Variants in DDHD1 observed in about 807,000 individuals in gnomAD.
The protein encoded by DDHD1 is phospholipase DDHD1.
Under a neutral mutation model 96.4 loss-of-function variants are expected in DDHD1, and 49 were observed. The ratio of observed to expected loss-of-function variants is 0.51; its 90% CI spans 0.40 to 0.64. DDHD1 has a LOEUF of 0.64. DDHD1 is among the 30% of genes least tolerant of loss of function. The pLI is 0.00. For synonymous variants in DDHD1, 442 were observed against 446.5 expected (o/e 0.99, Z 0.13); for missense variants, 1,106 against 1,161.2 (o/e 0.95, Z 0.69).
Position 53,103,685 on chromosome 14 carries a change from T to A in DDHD1, c.1010A>T (p.Asp337Val), listed in dbSNP as rs139853377. 1 of 1,608,578 alleles carries A rather than the reference T, an allele frequency of 6.2e-7. No individual in the cohort carries two copies. The highest frequency in any genetic ancestry group is 8.5e-7 in the Non-Finnish European group (1 of 1,178,106). The change falls in exon 2 of 13, where the codon GAT becomes GTT. Residue 337 changes from aspartate to valine, a missense_variant and splice_region_variant. Physicochemically the swap from Asp to Val is radical, Grantham distance 152. Transcript: ENST00000673822. ...TTAAATGTATCAATTGATCTTACCA[T>A]CTTTTCCATCTATGGATTTTGACAC... ...IEVSKSIDGKDAVHSFKLSRN... is the reference protein window; with the variant it reads ...IEVSKSIDGKVAVHSFKLSRN...
At chr14:53,080,598 T>C (rs1885377000) in intron 4 of DDHD1, among the ~76,000 whole-genome samples, 1 of 152,098 alleles carries the variant, frequency 6.6e-6, no homozygotes. Flanking sequence ...ATATTTTTCC[T>C]TATTTCTCGT....
intron 1 of DDHD1, among the ~76,000 whole-genome samples, chr14:53,146,931 G>GTTTTTTT (rs1157662966): frequency 6.9e-6 from 1 of 144,970 alleles, no homozygotes; most frequent in Non-Finnish European, 1.5e-5. Context: ...AATGCTGACA[G>GTTTTTTT]TTTTTTTTTT....
chr14:53,123,813 A>G (rs778981749), intron 1 of DDHD1, among the ~76,000 whole-genome samples: 3 of 152,248 alleles, frequency 2.0e-5, no homozygotes, highest in Non-Finnish European at 4.4e-5. Flanking sequence ...TTGTATCTGT[A>G]AAGTTTAATT....
chr14:53,050,652 ATT>A (rs900458025), intron 12 of DDHD1, among the ~76,000 whole-genome samples: 2 of 152,124 alleles, frequency 1.3e-5, no homozygotes, highest in Non-Finnish European at 2.9e-5. Flanking sequence ...CAGTATTGAA[ATT>A]TGTTTCATCT....
chr14:53,086,944 G>A (rs1886014983), intron 4 of DDHD1, among the ~76,000 whole-genome samples: 1 of 137,452 alleles, frequency 7.3e-6, no homozygotes, highest in Non-Finnish European at 1.6e-5. Flanking sequence ...TAAAGGGGTG[G>A]AGGAAGCTCA....
chr14:53,129,243 C>T (rs141657822), intron 1 of DDHD1, among the ~76,000 whole-genome samples: 82 of 152,202 alleles, frequency 5.4e-4, no homozygotes, highest in African/African-American at 1.8e-3. Context: ...GCCCTCACTC[C>T]GTGAGGAGAT....
At position 53,051,798 on chromosome 14, in the gene DDHD1, A is replaced by G. The variant is rs1280815293; in HGVS notation, c.2521+46T>C. 4.1e-6 allele frequency: 6 copies of G among 1,466,038 alleles called. No individual in the cohort carries two copies. In the Admixed American group the frequency reaches 1.0e-4, roughly 24 times the overall value. The allele number at this position is 1,466,038 out of a possible 1,614,324, so 90.8% of individuals were successfully genotyped here. A position where few individuals can be genotyped will look rare whatever the true frequency, so the allele number is the denominator to read the frequency against. ...CAATAAGCAGAAGAACTCTAAGTAGATCATTTTTATAGTATTCTGAATGCT... is the reference window on the plus strand; with the variant it reads ...CAATAAGCAGAAGAACTCTAAGTAGGTCATTTTTATAGTATTCTGAATGCT... On this transcript the variant is annotated intron_variant, in intron 12 of 12. Transcript: ENST00000673822.
intron 1 of DDHD1, among the ~76,000 whole-genome samples, chr14:53,122,350 C>T (rs1022628025): frequency 1.3e-5 from 2 of 152,162 alleles, no homozygotes; most frequent in Admixed American, 6.5e-5. Flanking sequence ...CAGCTAGGCA[C>T]CTCCCTGGGG....
At chr14:53,128,733 A>G (rs1160830164) in intron 1 of DDHD1, among the ~76,000 whole-genome samples, 1 of 152,214 alleles carries the variant, frequency 6.6e-6, no homozygotes, top group Non-Finnish European at 1.5e-5. Context: ...CCTACAGCCC[A>G]TAACTGCATA....
rs900109247 is a variant in DDHD1, at chr14:53,110,369, T to A, written c.839-6513A>T. On this transcript the variant is annotated intron_variant, in intron 1 of 12. Coordinates refer to ENST00000673822, the MANE Select transcript of DDHD1 (RefSeq NM_001160148.2). ...AAGTGTATATGTAAGTACATGCACA[T>A]ACATTCAGATTCCCTTCATTTACTC... is the stretch of plus-strand genomic sequence containing the variant. Among the ~76,000 whole-genome samples the A allele has an allele frequency of 2.6e-5, 4 of 152,254 alleles. No homozygotes were observed. In the East Asian group the frequency reaches 7.7e-4, roughly 29 times the overall value.
At chr14:53,126,023 T>C (rs936593126) in intron 1 of DDHD1, among the ~76,000 whole-genome samples, 2 of 152,250 alleles carry the variant, frequency 1.3e-5, no homozygotes, top group Non-Finnish European at 1.5e-5. Context: ...TTAAGATTCC[T>C]TCCCAAACTT....
intron 4 of DDHD1, among the ~76,000 whole-genome samples, chr14:53,077,375 TTAAA>T (rs1345825113): frequency 1.3e-5 from 2 of 152,186 alleles, no homozygotes; most frequent in Non-Finnish European, 2.9e-5. Context: ...TTTCCTTACA[TTAAA>T]TATTTAGCTG....
chr14:53,070,502 T>C (rs1157550071), intron 6 of DDHD1, among the ~76,000 whole-genome samples: 1 of 152,322 alleles, frequency 6.6e-6, no homozygotes, highest in East Asian at 1.9e-4. Context: ...AACCTTGTTA[T>C]TGCTCACTTG....
At chr14:53,124,328 A>C (rs1315046138) in intron 1 of DDHD1, among the ~76,000 whole-genome samples, 1 of 152,104 alleles carries the variant, frequency 6.6e-6, no homozygotes, top group Admixed American at 6.5e-5. Context: ...ATCTAGCATC[A>C]AAATGCTACC....
At chr14:53,149,982 C>T (rs182543246) in intron 1 of DDHD1, 7 of 152,334 alleles carry the variant, frequency 4.6e-5, no homozygotes, top group Admixed American at 2.6e-4. Context: ...TGCATATCTA[C>T]CCTGTCTCTT....
chr14:53,143,273 G>T (rs1890761824), intron 1 of DDHD1, among the ~76,000 whole-genome samples: 1 of 152,184 alleles, frequency 6.6e-6, no homozygotes, highest in African/African-American at 2.4e-5. Flanking sequence ...TGAAATGGAG[G>T]TGGCAGAGAT....
intron 1 of DDHD1, among the ~76,000 whole-genome samples, chr14:53,124,077 CA>C (rs1485713490): frequency 1.9e-4 from 28 of 150,230 alleles, no homozygotes; most frequent in African/African-American, 6.6e-4. Flanking sequence ...ACTAAAAATA[CA>C]AAAAAAATTA....
intron 1 of DDHD1, among the ~76,000 whole-genome samples, chr14:53,144,380 T>C (rs532120832): frequency 6.6e-6 from 1 of 152,302 alleles, no homozygotes; most frequent in Non-Finnish European, 1.5e-5. Context: ...GTGTTAGCCA[T>C]ATAAGAAAGG....
At chr14:53,098,694 T>C (rs1033617927) in intron 2 of DDHD1, among the ~76,000 whole-genome samples, 4 of 152,096 alleles carry the variant, frequency 2.6e-5, no homozygotes, top group African/African-American at 9.6e-5. Flanking sequence ...CTCCATCTTT[T>C]TAATCGAGCT....
Sources: allele counts gnomAD v4.1 joint callset (sites outside exome capture counted in the v4.1 genomes callset), GRCh38; gene constraint gnomAD v4.1.1; transcripts MANE v1.5; gene names NCBI Gene and HGNC (gene_info 2026-07-23, HGNC 2026-07-21).